AGBL4: variants seen among roughly 807,000 people sequenced by gnomAD.
AGBL4 encodes the protein AGBL carboxypeptidase 4.
AGBL4 carries 58 observed loss-of-function variants against 66.4 expected under a neutral mutation model. That is an observed-to-expected ratio of 0.87 (90% confidence interval 0.71 to 1.09). The LOEUF is 1.09. AGBL4 is among the 50% of genes least tolerant of loss of function. The pLI is 0.00. For synonymous variants in AGBL4, 234 were observed against 222.9 expected (o/e 1.05, Z -0.44); for missense variants, 579 against 631.0 (o/e 0.92, Z 0.88).
chr1:49,826,960 A>G (rs1645526097), intron 2 of AGBL4, among the ~76,000 whole-genome samples: 1 of 152,288 alleles, frequency 6.6e-6, no homozygotes, highest in South Asian at 2.1e-4. Context: ...GACTTTGAGG[A>G]TAGATTTCAA....
intron 12 of AGBL4, among the ~76,000 whole-genome samples, chr1:48,538,951 A>G (rs1644016768): frequency 6.6e-6 from 1 of 152,078 alleles, no homozygotes; most frequent in South Asian, 2.1e-4. Flanking sequence ...CACATTCCAG[A>G]TGCCATGTGA....
intron 1 of AGBL4, among the ~76,000 whole-genome samples, chr1:49,935,004 C>T (rs1047239785): frequency 2.6e-5 from 4 of 152,204 alleles, no homozygotes; most frequent in African/African-American, 9.6e-5. Flanking sequence ...TGCAGCGCAC[C>T]GTGTGCGAGT....
chr1:49,192,448 G>A (rs1000207348), intron 4 of AGBL4, among the ~76,000 whole-genome samples: 4 of 152,072 alleles, frequency 2.6e-5, no homozygotes, highest in Non-Finnish European at 5.9e-5. Context: ...ATAGGCACAC[G>A]CCACCACACC....
chr1:49,262,255 G>T (rs1393664393), intron 3 of AGBL4, among the ~76,000 whole-genome samples: 1 of 152,136 alleles, frequency 6.6e-6, no homozygotes, highest in African/African-American at 2.4e-5. Flanking sequence ...CATGGGCAAG[G>T]ACTTCATGTC....
intron 2 of AGBL4, chr1:49,842,299 G>T: frequency 2.1e-6 from 1 of 482,578 alleles, no homozygotes. Context: ...TAGGACATTG[G>T]TTACCAAAGC....
intron 6 of AGBL4, among the ~76,000 whole-genome samples, chr1:48,849,215 T>G (rs1034727513): frequency 4.6e-5 from 7 of 152,256 alleles, no homozygotes; most frequent in Non-Finnish European, 7.3e-5. Context: ...AGTTTATTTC[T>G]AAGCCCCTGC....
chr1:48,669,603 C>T (rs1237935942), intron 6 of AGBL4, among the ~76,000 whole-genome samples: 1 of 152,206 alleles, frequency 6.6e-6, no homozygotes, highest in East Asian at 1.9e-4. Context: ...ATTAACTCTC[C>T]AAGCAAACCT....
chr1:48,963,281 T>G (rs1378534430), intron 5 of AGBL4, among the ~76,000 whole-genome samples: 1 of 152,110 alleles, frequency 6.6e-6, no homozygotes, highest in African/African-American at 2.4e-5. Context: ...GTGCATAACC[T>G]AATCAACTCT....
At chr1:49,623,733 G>A (rs1343765573) in intron 3 of AGBL4, among the ~76,000 whole-genome samples, 1 of 152,192 alleles carries the variant, frequency 6.6e-6, no homozygotes, top group East Asian at 1.9e-4. Flanking sequence ...CATAGATTAT[G>A]TAAGTGTCAA....
chr1:48,856,335 CATATAGACAAGAACT>C (rs1402654208), intron 6 of AGBL4, among the ~76,000 whole-genome samples: 3 of 152,134 alleles, frequency 2.0e-5, no homozygotes, highest in Non-Finnish European at 4.4e-5. Context: ...TATGTTTCTG[CATATAGACAAGAACT>C]AAAAGGGAAA....
intron 1 of AGBL4, chr1:49,995,098 C>T (rs1217266900): frequency 2.2e-6 from 1 of 455,842 alleles, no homozygotes; most frequent in Non-Finnish European, 4.4e-6. Flanking sequence ...TCCAGCTGAA[C>T]TTTGTAACAA....
At chr1:48,841,025 C>T (rs1348327809) in intron 6 of AGBL4, among the ~76,000 whole-genome samples, 1 of 152,138 alleles carries the variant, frequency 6.6e-6, no homozygotes, top group Non-Finnish European at 1.5e-5. Context: ...TCAAAAGCTA[C>T]ATTGTATATG....
At chr1:48,712,203 T>C (rs1646978531) in intron 6 of AGBL4, among the ~76,000 whole-genome samples, 1 of 152,204 alleles carries the variant, frequency 6.6e-6, no homozygotes, top group South Asian at 2.1e-4. Context: ...TTTCCACACA[T>C]ATCCCTTCCT....
At chr1:49,654,119 A>G (rs1646067760) in intron 3 of AGBL4, among the ~76,000 whole-genome samples, 1 of 152,162 alleles carries the variant, frequency 6.6e-6, no homozygotes, top group Non-Finnish European at 1.5e-5. Context: ...GACTAACAGC[A>G]GACCTCTTAG....
intron 3 of AGBL4, among the ~76,000 whole-genome samples, chr1:49,605,729 T>C (rs1334557881): frequency 6.6e-6 from 1 of 152,108 alleles, no homozygotes; most frequent in Non-Finnish European, 1.5e-5. Context: ...ACTACCAACA[T>C]CATGGCCTCT....
intron 3 of AGBL4, among the ~76,000 whole-genome samples, chr1:49,429,645 A>AT (rs1226956583): frequency 6.6e-6 from 1 of 151,972 alleles, no homozygotes; most frequent in African/African-American, 2.4e-5. Flanking sequence ...TCCCTACATG[A>AT]TTTTTTAAAA....
chr1:49,509,070 C>G (rs1018655799), intron 3 of AGBL4, among the ~76,000 whole-genome samples: 7 of 151,664 alleles, frequency 4.6e-5, no homozygotes, highest in African/African-American at 1.7e-4. Flanking sequence ...GTGTGGCATA[C>G]CAAACTGTGT....
chr1:48,858,772 G>A (rs539290469), intron 6 of AGBL4, among the ~76,000 whole-genome samples: 7 of 152,088 alleles, frequency 4.6e-5, no homozygotes, highest in African/African-American at 7.2e-5. Flanking sequence ...TTGCACAACT[G>A]TGTAAATATG....
chr1:48,714,510 G>A (rs149940115), intron 6 of AGBL4, among the ~76,000 whole-genome samples: 2 of 151,920 alleles, frequency 1.3e-5, no homozygotes, highest in Non-Finnish European at 1.5e-5. Flanking sequence ...TCAATCTCTC[G>A]GCCCCTGCCT....
Sources: gnomAD v4.1 joint callset for allele counts (sites outside exome capture counted in the v4.1 genomes callset) on GRCh38, gnomAD v4.1.1 for gene constraint, MANE v1.5 for transcripts, NCBI Gene and HGNC (gene_info 2026-07-23, HGNC 2026-07-21) for gene names.